The following BRAF variants were observed in gnomAD, a reference collection of about 807,000 sequenced individuals.
BRAF encodes the protein serine/threonine-protein kinase B-raf.
In BRAF, 16 loss-of-function variants were observed where a neutral mutation model predicts 104.6. The observed-to-expected ratio is 0.15, with a 90% CI of 0.10 to 0.23. The LOEUF is 0.23. Ranked by LOEUF, BRAF falls within the 10% of genes least tolerant of loss-of-function variation. The pLI is 1.00. For missense variants in BRAF, 541 were observed against 937.3 expected (o/e 0.58, Z 5.52); for synonymous variants, 310 against 341.6 (o/e 0.91, Z 1.02).
chr7:140,843,343 G>A (rs1233503108), intron 2 of BRAF, among the ~76,000 whole-genome samples: 1 of 152,160 alleles, frequency 6.6e-6, no homozygotes, highest in African/African-American at 2.4e-5. Flanking sequence ...GGTCTTGACA[G>A]AAAAGCTAAA....
intron 1 of BRAF, among the ~76,000 whole-genome samples, chr7:140,885,954 G>GATT (rs1468725112): frequency 6.6e-6 from 1 of 152,156 alleles, no homozygotes; most frequent in African/African-American, 2.4e-5. Context: ...AGTTTGGTAT[G>GATT]ATTATAGCAT....
chr7:140,810,081 T>C (rs574526878), intron 3 of BRAF, among the ~76,000 whole-genome samples: 13 of 151,994 alleles, frequency 8.6e-5, no homozygotes, highest in South Asian at 2.1e-4. Flanking sequence ...TTCATTTAAA[T>C]TGAGGTGCTT....
At chr7:140,920,353 G>A (rs1406191092) in intron 1 of BRAF, among the ~76,000 whole-genome samples, 1 of 152,162 alleles carries the variant, frequency 6.6e-6, no homozygotes, top group Non-Finnish European at 1.5e-5. Flanking sequence ...AGTAGTCATC[G>A]CATTCTCTGA....
chr7:140,846,402 T>C (rs979115151), intron 2 of BRAF, among the ~76,000 whole-genome samples: 1 of 152,154 alleles, frequency 6.6e-6, no homozygotes, highest in African/African-American at 2.4e-5. Flanking sequence ...CTAAATGAAA[T>C]AAGCCAGTCA....
At chr7:140,748,733 A>G (rs1437841631) in intron 17 of BRAF, among the ~76,000 whole-genome samples, 2 of 152,164 alleles carry the variant, frequency 1.3e-5, no homozygotes, top group Non-Finnish European at 2.9e-5. Context: ...AGGCTATGTT[A>G]GTACCTTTTG....
chr7:140,799,661 C>A (rs1320315425), intron 7 of BRAF: 1 of 232,638 alleles, frequency 4.3e-6, no homozygotes, highest in African/African-American at 2.2e-5. Flanking sequence ...GTTCAAATAC[C>A]ACCTTCTTCA....
chr7:140,723,410 A>C lies in BRAF; in HGVS notation c.*3084T>G. ...CATTTGTATGGGATTTTATCTTCTA[A>C]AATGCCCCAGTATGCCCTACTAGAT... On this transcript the variant is annotated 3_prime_UTR_variant, in exon 20 of 20. Coordinates refer to ENST00000644969, the MANE Select transcript of BRAF (RefSeq NM_001374258.1). 3 of 1,054,984 alleles carry C rather than the reference A, an allele frequency of 2.8e-6. No individual in the cohort carries two copies. The highest frequency in any genetic ancestry group is 3.4e-6 in the Non-Finnish European group (3 of 872,998). 65.4% of individuals were successfully genotyped at this position (1,054,984 alleles called of 1,614,324 possible).
At chr7:140,791,507 T>C (rs2129035431) in intron 8 of BRAF, among the ~76,000 whole-genome samples, 1 of 152,340 alleles carries the variant, frequency 6.6e-6, no homozygotes, top group South Asian at 2.1e-4. Flanking sequence ...TTAATGTTTA[T>C]CAGGGTTACA....
chr7:140,892,268 T>A (rs918522335), intron 1 of BRAF, among the ~76,000 whole-genome samples: 28 of 151,134 alleles, frequency 1.9e-4, no homozygotes, highest in Admixed American at 1.2e-3. Flanking sequence ...AAAAAAAAAA[T>A]AAATCAACAA....
intron 19 of BRAF, chr7:140,730,692 A>T (rs1243815558): frequency 6.6e-6 from 1 of 151,766 alleles, no homozygotes; most frequent in Non-Finnish European, 1.5e-5. Flanking sequence ...TTTATTTAGG[A>T]ATAGAGCAGA....
At chr7:140,778,163 T>C (rs1164231230) in intron 12 of BRAF, 88 bp from the exon 12 acceptor site, 1 of 1,089,978 alleles carries the variant, frequency 9.2e-7, no homozygotes, top group Non-Finnish European at 1.4e-6. Context: ...CTAATTATCA[T>C]AGCCCTAACT....
rs1799455147 is a variant in BRAF, at chr7:140,767,623, AC to A, written c.1814+9288del. On this transcript the variant is annotated intron_variant, in intron 14 of 19. Transcript: ENST00000644969. ...GCGGTATGACAGTGTCTAAAAGAGG[AC>A]AGTGAATGAACTAGGAAACTGAAAG... Among the ~76,000 whole-genome samples, 4 of 152,208 alleles carry A rather than the reference AC, an allele frequency of 2.6e-5. No homozygotes were observed. The South Asian group carries it at 8.3e-4, about 32-fold the overall frequency.
chr7:140,765,161 T>G (rs1363936907), intron 14 of BRAF, among the ~76,000 whole-genome samples: 3 of 152,126 alleles, frequency 2.0e-5, no homozygotes, highest in Non-Finnish European at 4.4e-5. Context: ...TACAACTATC[T>G]GATCTTTGAC....
chr7:140,922,467 A>C (rs1413085743), intron 1 of BRAF, among the ~76,000 whole-genome samples: 1 of 152,224 alleles, frequency 6.6e-6, no homozygotes, highest in Non-Finnish European at 1.5e-5. Context: ...TTCTTTACAG[A>C]ATTGCAAACG....
At chr7:140,764,869 T>A (rs1030587493) in intron 14 of BRAF, among the ~76,000 whole-genome samples, 1 of 152,130 alleles carries the variant, frequency 6.6e-6, no homozygotes, top group Non-Finnish European at 1.5e-5. Flanking sequence ...AATGGCCATA[T>A]TGCCCAAGGT....
intron 5 of BRAF, among the ~76,000 whole-genome samples, chr7:140,807,556 AAG>A (rs141643078): frequency 0.097 from 14,778 of 152,034 alleles, 774 homozygotes; most frequent in South Asian, 0.19. Context: ...TAATGAAGGA[AAG>A]AGAGAAAAAA....
intron 3 of BRAF, among the ~76,000 whole-genome samples, chr7:140,816,168 G>A (rs1025553258): frequency 6.6e-6 from 1 of 152,144 alleles, no homozygotes; most frequent in Non-Finnish European, 1.5e-5. Context: ...GCTTCCTATA[G>A]TATTCTACCT....
intron 1 of BRAF, among the ~76,000 whole-genome samples, chr7:140,885,046 G>A (rs537026781): frequency 6.6e-6 from 1 of 151,922 alleles, no homozygotes; most frequent in South Asian, 2.1e-4. Context: ...TTGTCGCCCA[G>A]GCTGGAGTGC....
chr7:140,891,370 A>G (rs1323072209), intron 1 of BRAF, among the ~76,000 whole-genome samples: 1 of 152,170 alleles, frequency 6.6e-6, no homozygotes, highest in Admixed American at 6.5e-5. Flanking sequence ...TCTCTTATAT[A>G]AAAAGGGAGG....
Sources: gnomAD v4.1 joint callset for allele counts (sites outside exome capture counted in the v4.1 genomes callset) on GRCh38, gnomAD v4.1.1 for gene constraint, MANE v1.5 for transcripts, NCBI Gene and HGNC (gene_info 2026-07-23, HGNC 2026-07-21) for gene names.